TAOK3: variants seen among roughly 807,000 people sequenced by gnomAD.
TAOK3 encodes the protein TAO kinase 3.
A neutral mutation model predicts 120.4 loss-of-function variants in TAOK3; 40 were observed. The ratio of observed to expected loss-of-function variants is 0.33; its 90% CI spans 0.26 to 0.43. The LOEUF (loss-of-function observed/expected upper bound fraction) is 0.43. Ranked by LOEUF, TAOK3 falls within the 20% of genes least tolerant of loss-of-function variation. The pLI is 1.00. For missense variants in TAOK3, 821 were observed against 1,112.1 expected (o/e 0.74, Z 3.72); for synonymous variants, 355 against 387.5 (o/e 0.92, Z 0.99).
chr12:118,201,103 C>T (rs1398071333), intron 12 of TAOK3, 193 bp downstream of exon 12: 26 of 512,148 alleles, frequency 5.1e-5, no homozygotes, highest in Admixed American at 4.0e-4. Flanking sequence ...GGGGTTACAC[C>T]TCTGTAGCAC....
intron 1 of TAOK3, among the ~76,000 whole-genome samples, chr12:118,338,843 C>T (rs2044480883): frequency 6.7e-6 from 1 of 150,128 alleles, no homozygotes; most frequent in Non-Finnish European, 1.5e-5. Context: ...AATAACTAGC[C>T]CTGTCTGAGG....
chr12:118,211,511 T>C lies in TAOK3; in HGVS notation c.819+1403A>G, dbSNP rs115786049. ...TGATTTTTTAAACTGTTATGTTTTT[T>C]CTCTTCCATTTTTTTCTTTACCTCT... On this transcript the variant is annotated intron_variant, in intron 11 of 20. Transcript: ENST00000392533. Among the ~76,000 whole-genome samples the C allele has an allele frequency of 1.5e-3, 226 of 152,274 alleles. 1 individual carries two copies. The highest frequency in any genetic ancestry group is 5.2e-3 in the African/African-American group (218 of 41,554).
chr12:118,351,573 G>A (rs1289495325), intron 1 of TAOK3, among the ~76,000 whole-genome samples: 1 of 152,048 alleles, frequency 6.6e-6, no homozygotes, highest in Non-Finnish European at 1.5e-5. Context: ...TTTCATTTAG[G>A]TGTCCTATAA....
chr12:118,234,417 T>C (rs915311591), intron 8 of TAOK3, among the ~76,000 whole-genome samples: 30 of 151,514 alleles, frequency 2.0e-4, no homozygotes, highest in Non-Finnish European at 3.8e-4. Context: ...ACTAATTTTT[T>C]GTATTTTTAG....
At chr12:118,212,293 C>T (rs2038673042) in intron 11 of TAOK3, among the ~76,000 whole-genome samples, 1 of 152,190 alleles carries the variant, frequency 6.6e-6, no homozygotes, top group Non-Finnish European at 1.5e-5. Flanking sequence ...AAAGAAAACA[C>T]TTCTACTGTA....
intron 3 of TAOK3, among the ~76,000 whole-genome samples, chr12:118,248,942 A>G (rs1196502678): frequency 2.0e-5 from 3 of 152,172 alleles, no homozygotes; most frequent in Non-Finnish European, 2.9e-5. Flanking sequence ...GAATTTTTAT[A>G]CTGGCTAAAA....
chr12:118,355,468 T>C lies in TAOK3; in HGVS notation c.-194+17180A>G, dbSNP rs1051227840. Among the ~76,000 whole-genome samples the C allele has an allele frequency of 2.0e-5, 3 of 152,230 alleles. No individual in the cohort carries two copies. In the South Asian group the frequency reaches 6.2e-4, roughly 32 times the overall value. Reference sequence around the variant, plus strand: ...AAGTGAAATTTGTCAGATTATATAATCATTTTGATGAATAATTATTAAATC... The same window carrying C: ...AAGTGAAATTTGTCAGATTATATAACCATTTTGATGAATAATTATTAAATC... On this transcript the variant is annotated intron_variant, in intron 1 of 20. Transcript: ENST00000392533.
intron 1 of TAOK3, among the ~76,000 whole-genome samples, chr12:118,357,391 C>T (rs2045442392): frequency 6.6e-6 from 1 of 152,176 alleles, no homozygotes; most frequent in Non-Finnish European, 1.5e-5. Context: ...CATCCTTCCC[C>T]CATCTTTTTT....
chr12:118,349,394 C>T (rs2045034285), intron 1 of TAOK3, among the ~76,000 whole-genome samples: 1 of 152,112 alleles, frequency 6.6e-6, no homozygotes, highest in Non-Finnish European at 1.5e-5. Context: ...CAGAATGTGG[C>T]ACACAGATAT....
intron 19 of TAOK3, among the ~76,000 whole-genome samples, chr12:118,154,175 C>T (rs922834568): frequency 5.3e-5 from 8 of 152,200 alleles, no homozygotes; most frequent in Admixed American, 4.6e-4. Flanking sequence ...TTCTTTTCTA[C>T]TTGTCTGCAT....
chr12:118,346,354 G>A (rs938345703), intron 1 of TAOK3, among the ~76,000 whole-genome samples: 4 of 151,920 alleles, frequency 2.6e-5, no homozygotes, highest in African/African-American at 9.7e-5. Context: ...CTTAAAACAG[G>A]GAAATTATAA....
In TAOK3 at chr12:118,172,521, C is replaced by A; in HGVS notation, c.1835G>T (p.Cys612Phe). The change falls in exon 17 of 21, where the codon TGT (cysteine) becomes TTT (phenylalanine). Residue 612 changes from cysteine (C) to phenylalanine (F), a missense_variant. Physicochemically the swap from Cys to Phe is radical, Grantham distance 205. Coordinates refer to ENST00000392533, the MANE Select transcript of TAOK3 (RefSeq NM_016281.4). ...CATTATTTTCCGCTTGAAGAAACGA[C>A]AATTTTTGTCGTAGTACAGTCTCTG... ...TQQRLYYDKN[C>F]RFFKRKIMIK... The A allele has an allele frequency of 6.2e-7, 1 of 1,614,146 alleles. No individual in the cohort carries two copies. The highest frequency in any genetic ancestry group is 8.5e-7 in the Non-Finnish European group (1 of 1,180,022).
intron 1 of TAOK3, among the ~76,000 whole-genome samples, chr12:118,294,467 T>C (rs1383620417): frequency 6.6e-6 from 1 of 151,910 alleles, no homozygotes; most frequent in Non-Finnish European, 1.5e-5. Context: ...CACTCCAACC[T>C]CTGCCTCCTG....
intron 17 of TAOK3, among the ~76,000 whole-genome samples, chr12:118,167,580 T>C (rs896351516): frequency 2.0e-5 from 3 of 151,336 alleles, no homozygotes; most frequent in African/African-American, 7.3e-5. Flanking sequence ...GGAAGGTAAA[T>C]GGAAAAAAGA....
intron 1 of TAOK3, among the ~76,000 whole-genome samples, chr12:118,307,964 CTTT>C (rs150636589): frequency 7.0e-6 from 1 of 142,762 alleles, no homozygotes; most frequent in Non-Finnish European, 1.5e-5. Context: ...AGTTTGACTA[CTTT>C]TTTTTTTTTT....
At chr12:118,285,465 G>A (rs1311160221) in intron 1 of TAOK3, among the ~76,000 whole-genome samples, 1 of 152,104 alleles carries the variant, frequency 6.6e-6, no homozygotes, top group African/African-American at 2.4e-5. Context: ...TGATTCTCCT[G>A]CCTCAGCCTC....
chr12:118,246,547 T>C, intron 3 of TAOK3: 1 of 1,548,734 alleles, frequency 6.5e-7, no homozygotes, highest in Non-Finnish European at 8.7e-7. Flanking sequence ...CGTGGGGCCA[T>C]CATCCTGGCC....
At chr12:118,164,813 C>A (rs983667483) in intron 17 of TAOK3, among the ~76,000 whole-genome samples, 2 of 152,188 alleles carry the variant, frequency 1.3e-5, no homozygotes, top group African/African-American at 2.4e-5. Context: ...TAATAGATAT[C>A]ATCGATAACA....
intron 7 of TAOK3, chr12:118,236,441 A>G (rs1009787878): frequency 2.0e-5 from 3 of 152,194 alleles, no homozygotes; most frequent in African/African-American, 7.2e-5. Context: ...TTCATTTTTC[A>G]TTATGGTAAT....
Sources: allele counts gnomAD v4.1 joint callset (sites outside exome capture counted in the v4.1 genomes callset), GRCh38; gene constraint gnomAD v4.1.1; transcripts MANE v1.5; gene names NCBI Gene and HGNC (gene_info 2026-07-23, HGNC 2026-07-21).